The following DLGAP1 variants were observed in gnomAD, a reference collection of about 807,000 sequenced individuals.
DLGAP1 encodes the protein disks large-associated protein 1.
Under a neutral mutation model 90.8 loss-of-function variants are expected in DLGAP1, and 11 were observed. The ratio of observed to expected loss-of-function variants is 0.12; its 90% CI spans 0.08 to 0.20. The LOEUF is 0.20. DLGAP1 is among the 10% of genes least tolerant of loss of function. The pLI is 1.00. For synonymous variants in DLGAP1, 558 were observed against 540.7 expected, an observed-to-expected ratio of 1.03 and a Z score of -0.44; for missense variants, 1,050 against 1,333.8, an observed-to-expected ratio of 0.79 and a Z score of 3.31.
At position 4,284,986 on chromosome 18, in the gene DLGAP1, G is replaced by C. The variant is rs529321569; in HGVS notation, c.-266-133699C>G. 4.9e-4 allele frequency among the ~76,000 whole-genome samples: 74 copies of C among 152,262 alleles called. 1 individual carries two copies. In the South Asian group the frequency reaches 0.015, roughly 30 times the overall value. On this transcript the variant is annotated intron_variant, in intron 1 of 12. Transcript: ENST00000315677. ...ATAAAGCAAATGCTCCTGAAAGCTT[G>C]CACTAGGAAAGATAAAGGGAGGATG...
At chr18:3,562,539 CTTTTTTTTTTTTTT>C (rs59612709) in intron 9 of DLGAP1, among the ~76,000 whole-genome samples, 3 of 118,156 alleles carry the variant, frequency 2.5e-5, no homozygotes, top group Non-Finnish European at 5.1e-5. Flanking sequence ...TCTTCTCTCC[CTTTTTTTTTTTTTT>C]TTTTTTTTTT....
chr18:4,205,764 A>G (rs927989625), intron 1 of DLGAP1, among the ~76,000 whole-genome samples: 1 of 152,246 alleles, frequency 6.6e-6, no homozygotes, highest in Non-Finnish European at 1.5e-5. Flanking sequence ...ATAATGGATA[A>G]CACAGAGAAT....
chr18:4,054,616 C>A (rs1598314136), intron 2 of DLGAP1, among the ~76,000 whole-genome samples: 1 of 152,134 alleles, frequency 6.6e-6, no homozygotes, highest in East Asian at 1.9e-4. Context: ...GTAACTTTAT[C>A]AACTCTTTTC....
At chr18:3,766,491 A>G (rs2064248804) in intron 5 of DLGAP1, among the ~76,000 whole-genome samples, 2 of 152,320 alleles carry the variant, frequency 1.3e-5, no homozygotes, top group Middle Eastern at 6.8e-3. Context: ...CAGACATTAG[A>G]GAACACTCTA....
chr18:4,359,974 C>T (rs1279015744), intron 1 of DLGAP1, among the ~76,000 whole-genome samples: 1 of 152,148 alleles, frequency 6.6e-6, no homozygotes, highest in East Asian at 1.9e-4. Flanking sequence ...TCAAATATGA[C>T]TTCTAGGTTC....
intron 2 of DLGAP1, among the ~76,000 whole-genome samples, chr18:4,052,114 C>A (rs566827405): frequency 1.3e-5 from 2 of 152,292 alleles, no homozygotes; most frequent in East Asian, 3.9e-4. Flanking sequence ...TCCAGGCATA[C>A]AATTCAAGCT....
chr18:3,514,268 T>A (rs3930335), intron 10 of DLGAP1, among the ~76,000 whole-genome samples: 9 of 151,896 alleles, frequency 5.9e-5, no homozygotes, highest in Admixed American at 5.2e-4. Context: ...CACTGTGCCC[T>A]GCCTCTCTGA....
At chr18:3,602,593 C>CAAAAAAAAAAAAAAAAAA (rs71159102) in intron 7 of DLGAP1, among the ~76,000 whole-genome samples, 1 of 66,700 alleles carries the variant, frequency 1.5e-5, no homozygotes, top group African/African-American at 6.2e-5. Context: ...AGACTCCGTC[C>CAAAAAAAAAAAAAAAAAA]AAAAAAAAAA....
rs1387003416 is a variant in DLGAP1, at chr18:3,532,590, A to AC, written c.2479+1603_2479+1604insG. Among the ~76,000 whole-genome samples, 3 of 151,844 alleles carry AC rather than the reference A, an allele frequency of 2.0e-5. No homozygotes were observed. In the East Asian group the frequency reaches 5.8e-4, roughly 29 times the overall value. On this transcript the variant is annotated intron_variant, in intron 10 of 12. Coordinates refer to ENST00000315677, the MANE Select transcript of DLGAP1 (RefSeq NM_004746.4). ...CAAAACTCCATCTCAAAAAAAAAAA[A>AC]GAAAAAAAAAGAAAAAGCTCATAAT...
rs1555618610 is a variant in DLGAP1 at position 3,659,394 on chromosome 18, T to TATAC, written c.1591+69740_1591+69741insGTAT. Among the ~76,000 whole-genome samples the TATAC allele has an allele frequency of 7.8e-4, 80 of 102,176 alleles. 1 individual carries two copies. Among genetic ancestry groups the TATAC allele is most frequent in the African/African-American group, 3.6e-3 (76 of 21,030 alleles). The allele number at this position is 102,176 out of a possible 152,430, so 67.0% of individuals were successfully genotyped here. A position where few individuals can be genotyped will look rare whatever the true frequency, so the allele number is the denominator to read the frequency against. On this transcript the variant is annotated intron_variant, in intron 7 of 12. Coordinates refer to ENST00000315677, the MANE Select transcript of DLGAP1 (RefSeq NM_004746.4). ...GGGTAAGCCGTAACACATACATTTATACACACACACACACACACACACACA... is the reference window on the plus strand; with the variant it reads ...GGGTAAGCCGTAACACATACATTTATATACACACACACACACACACACACACACA...
At chr18:4,014,261 T>C (rs2074482813) in intron 2 of DLGAP1, among the ~76,000 whole-genome samples, 1 of 152,082 alleles carries the variant, frequency 6.6e-6, no homozygotes, top group African/African-American at 2.4e-5. Flanking sequence ...AATTTCTGTA[T>C]TTTTAGTAGA....
At chr18:3,965,027 G>A (rs1719625468) in intron 3 of DLGAP1, among the ~76,000 whole-genome samples, 1 of 151,722 alleles carries the variant, frequency 6.6e-6, no homozygotes, top group South Asian at 2.2e-4. Flanking sequence ...CTAACCACCT[G>A]GCCAGAGGGT....
At chr18:3,821,773 G>T (rs1271631584) in intron 4 of DLGAP1, 4 of 391,298 alleles carry the variant, frequency 1.0e-5, no homozygotes, top group Non-Finnish European at 1.4e-5. Flanking sequence ...CAGCGTTTTA[G>T]CATTTGTAAG....
chr18:4,404,438 T>G (rs923268242), intron 1 of DLGAP1, among the ~76,000 whole-genome samples: 1 of 152,090 alleles, frequency 6.6e-6, no homozygotes, highest in Non-Finnish European at 1.5e-5. Context: ...AAGGAAGAAG[T>G]TGGAATAAAG....
At chr18:3,772,339 TC>T (rs1465538279) in intron 5 of DLGAP1, among the ~76,000 whole-genome samples, 4,570 of 51,922 alleles carry the variant, frequency 0.088, 238 homozygotes, top group Middle Eastern at 0.12. Context: ...TCCTTCTCTC[TC>T]TCTCTCTCTT....
At chr18:3,715,103 A>T (rs1393474286) in intron 7 of DLGAP1, among the ~76,000 whole-genome samples, 1 of 152,212 alleles carries the variant, frequency 6.6e-6, no homozygotes, top group Non-Finnish European at 1.5e-5. Flanking sequence ...GAAGAAGCTC[A>T]ACTGCTTATT....
intron 3 of DLGAP1, chr18:3,896,896 T>C (rs1266739318): frequency 6.6e-6 from 1 of 152,316 alleles, no homozygotes; most frequent in Non-Finnish European, 1.5e-5. Flanking sequence ...AGAGGGGCCC[T>C]GCCCCATATT....
At chr18:4,163,639 G>A (rs2076884182) in intron 1 of DLGAP1, among the ~76,000 whole-genome samples, 1 of 152,200 alleles carries the variant, frequency 6.6e-6, no homozygotes, top group Non-Finnish European at 1.5e-5. Context: ...TAATTCTGTT[G>A]ATATAATAAT....
At chr18:3,959,879 C>A (rs1002504636) in intron 3 of DLGAP1, among the ~76,000 whole-genome samples, 7 of 152,152 alleles carry the variant, frequency 4.6e-5, no homozygotes, top group Non-Finnish European at 1.0e-4. Context: ...TACACCGTCT[C>A]TTTTTACACT....
Sources: allele counts gnomAD v4.1 joint callset (sites outside exome capture counted in the v4.1 genomes callset), GRCh38; gene constraint gnomAD v4.1.1; transcripts MANE v1.5; gene names NCBI Gene and HGNC (gene_info 2026-07-23, HGNC 2026-07-21).